CNTN5: variants seen among roughly 807,000 people sequenced by gnomAD.
CNTN5 encodes the protein contactin 5, also known as contactin-5.
Under a neutral mutation model 129.1 loss-of-function variants are expected in CNTN5, and 77 were observed. The ratio of observed to expected loss-of-function variants is 0.60; its 90% confidence interval spans 0.50 to 0.72. The LOEUF (loss-of-function observed/expected upper bound fraction) is 0.72, where lower values mean the gene tolerates loss of function less well. Ranked by LOEUF, CNTN5 falls within the 30% of genes least tolerant of loss-of-function variation. The pLI is 0.00. For synonymous variants in CNTN5, 509 were observed against 465.6 expected (o/e 1.09, Z -1.20); for missense variants, 1,478 against 1,328.8 (o/e 1.11, Z -1.75).
chr11:99,115,229 T>A (rs1857986718), intron 1 of CNTN5, among the ~76,000 whole-genome samples: 2 of 152,186 alleles, frequency 1.3e-5, no homozygotes, highest in African/African-American at 4.8e-5. Context: ...TGGCTTTTCC[T>A]GCAATTAGTC....
intron 2 of CNTN5, among the ~76,000 whole-genome samples, chr11:99,352,183 TG>T (rs1482334310): frequency 6.6e-6 from 1 of 152,214 alleles, no homozygotes. Flanking sequence ...GAGTGATTTG[TG>T]GAGGAGCCTG....
intron 1 of CNTN5, among the ~76,000 whole-genome samples, chr11:99,028,633 T>C (rs1278885436): frequency 6.6e-6 from 1 of 151,912 alleles, no homozygotes; most frequent in Non-Finnish European, 1.5e-5. Context: ...ATGTGATGTT[T>C]TTTGACATCT....
intron 2 of CNTN5, among the ~76,000 whole-genome samples, chr11:99,386,930 G>T (rs1054131277): frequency 2.6e-5 from 4 of 152,016 alleles, no homozygotes; most frequent in African/African-American, 9.7e-5. Context: ...AAATTTATTG[G>T]ATTTGATTTG....
At chr11:99,597,978 T>C (rs1424655892) in intron 3 of CNTN5, among the ~76,000 whole-genome samples, 1 of 152,164 alleles carries the variant, frequency 6.6e-6, no homozygotes, top group African/African-American at 2.4e-5. Context: ...TAAGCCCTCA[T>C]TGACACCTTC....
chr11:99,434,308 T>A (rs1000533177), intron 2 of CNTN5, among the ~76,000 whole-genome samples: 14 of 152,168 alleles, frequency 9.2e-5, no homozygotes, highest in Non-Finnish European at 1.5e-4. Flanking sequence ...TGGAAATATT[T>A]TGCCATTTCT....
chr11:99,408,243 G>A (rs893453060), intron 2 of CNTN5, among the ~76,000 whole-genome samples: 4 of 151,136 alleles, frequency 2.6e-5, no homozygotes, highest in Non-Finnish European at 4.4e-5. Flanking sequence ...ACAAGAGACT[G>A]TGTATTACTC....
chr11:100,203,358 T>C (rs1948828773), intron 15 of CNTN5, among the ~76,000 whole-genome samples: 1 of 152,196 alleles, frequency 6.6e-6, no homozygotes, highest in Admixed American at 6.6e-5. Flanking sequence ...AGATGCAGTA[T>C]GTTACATTGC....
At chr11:99,869,343 C>G (rs1042258349) in intron 6 of CNTN5, among the ~76,000 whole-genome samples, 2 of 152,008 alleles carry the variant, frequency 1.3e-5, no homozygotes, top group South Asian at 4.1e-4. Flanking sequence ...GAACTCATCT[C>G]AAAGATATGG....
intron 6 of CNTN5, among the ~76,000 whole-genome samples, chr11:99,913,649 G>A (rs1453581): frequency 2.0e-5 from 3 of 151,770 alleles, no homozygotes; most frequent in Non-Finnish European, 4.4e-5. Context: ...CACAATTTAG[G>A]TCATAGTTAT....
intron 1 of CNTN5, among the ~76,000 whole-genome samples, chr11:99,097,252 A>G (rs980089852): frequency 3.3e-5 from 5 of 151,898 alleles, no homozygotes; most frequent in South Asian, 4.1e-4. Context: ...GAGGCATACA[A>G]ATATGTCAAA....
intron 1 of CNTN5, among the ~76,000 whole-genome samples, chr11:99,140,242 C>T (rs1461814378): frequency 6.6e-6 from 1 of 151,934 alleles, no homozygotes; most frequent in Non-Finnish European, 1.5e-5. Context: ...TTTGGGGTTA[C>T]ACATGGAGGT....
intron 13 of CNTN5, among the ~76,000 whole-genome samples, chr11:100,170,042 A>G (rs1947776600): frequency 6.6e-6 from 1 of 152,006 alleles, no homozygotes; most frequent in South Asian, 2.1e-4. Context: ...TTTTCTAGAT[A>G]AAAGAACACA....
intron 18 of CNTN5, among the ~76,000 whole-genome samples, chr11:100,286,195 G>T (rs535113041): frequency 1.1e-4 from 16 of 152,220 alleles, no homozygotes; most frequent in East Asian, 9.7e-4. Flanking sequence ...GCCCGCCATT[G>T]CCCAGGCTTG....
intron 1 of CNTN5, among the ~76,000 whole-genome samples, chr11:99,172,731 GAC>G (rs1861203238): frequency 6.6e-6 from 1 of 152,160 alleles, no homozygotes; most frequent in African/African-American, 2.4e-5. Flanking sequence ...CTTCTAGAAG[GAC>G]ACTTAACAGA....
At chr11:99,825,195 G>GAC in intron 4 of CNTN5, among the ~76,000 whole-genome samples, 1 of 152,034 alleles carries the variant, frequency 6.6e-6, no homozygotes, top group East Asian at 1.9e-4. Flanking sequence ...GTATCTGCCA[G>GAC]ACTCTTTAAT....
At chr11:99,788,643 C>G (rs767199332) in intron 3 of CNTN5, among the ~76,000 whole-genome samples, 8 of 151,866 alleles carry the variant, frequency 5.3e-5, no homozygotes, top group Non-Finnish European at 1.0e-4. Context: ...CAGATAACAA[C>G]TTTATTATAT....
At chr11:99,919,274 CT>C (rs1231685353) in intron 7 of CNTN5, among the ~76,000 whole-genome samples, 4 of 151,724 alleles carry the variant, frequency 2.6e-5, no homozygotes, top group African/African-American at 4.8e-5. Context: ...TGTAGTTCAT[CT>C]TTTTTTGCCT....
At chr11:99,669,041 C>T (rs941617945) in intron 3 of CNTN5, among the ~76,000 whole-genome samples, 12 of 152,012 alleles carry the variant, frequency 7.9e-5, no homozygotes, top group South Asian at 6.2e-4. Flanking sequence ...TTGATGCACG[C>T]GTGGATATTT....
Position 99,637,426 on chromosome 11 carries a change from C to T in CNTN5, c.55+81157C>T, listed in dbSNP as rs1591399182. 2.0e-5 allele frequency among the ~76,000 whole-genome samples: 3 copies of T among 152,160 alleles called. No individual in the cohort carries two copies. The East Asian group carries it at 5.8e-4, about 29-fold the overall frequency. Reference sequence around the variant, plus strand: ...TGAATAAACATAAGCAAACACATCACATGGCAATCATGTACATGTATACAT... The same window carrying T: ...TGAATAAACATAAGCAAACACATCATATGGCAATCATGTACATGTATACAT... On this transcript the variant is annotated intron_variant, in intron 3 of 24. Coordinates refer to ENST00000524871, the MANE Select transcript of CNTN5 (RefSeq NM_014361.4).
Sources: gnomAD v4.1 joint callset for allele counts (sites outside exome capture counted in the v4.1 genomes callset) on GRCh38, gnomAD v4.1.1 for gene constraint, MANE v1.5 for transcripts, NCBI Gene and HGNC (gene_info 2026-07-23, HGNC 2026-07-21) for gene names.